PRKN: variants seen among roughly 807,000 people sequenced by gnomAD.
PRKN encodes the protein E3 ubiquitin-protein ligase parkin.
A neutral mutation model predicts 59.5 loss-of-function variants in PRKN; 56 were observed. The observed-to-expected ratio is 0.94, with a 90% confidence interval of 0.76 to 1.18. The LOEUF (loss-of-function observed/expected upper bound fraction) is 1.18. Among genes scored for constraint, PRKN ranks in the 50% most tolerant of loss-of-function variants. The pLI is 0.00. For synonymous variants in PRKN, 250 were observed against 222.1 expected, an observed-to-expected ratio of 1.13 and a Z score of -1.12; for missense variants, 657 against 596.4, an observed-to-expected ratio of 1.10 and a Z score of -1.06.
intron 2 of PRKN, among the ~76,000 whole-genome samples, chr6:162,410,138 T>G (rs1268992160): frequency 1.3e-5 from 2 of 152,188 alleles, no homozygotes; most frequent in African/African-American, 4.8e-5. Context: ...AATGCCTGGT[T>G]CCTGTGAATG....
chr6:162,568,405 C>A, intron 1 of PRKN: 1 of 540,980 alleles, frequency 1.8e-6, no homozygotes, highest in Non-Finnish European at 3.4e-6. Context: ...CCCAGAAGTC[C>A]TATAAGGTGT....
At chr6:161,895,880 G>A (rs1777608215) in intron 6 of PRKN, among the ~76,000 whole-genome samples, 1 of 152,188 alleles carries the variant, frequency 6.6e-6, no homozygotes, top group Non-Finnish European at 1.5e-5. Flanking sequence ...AGAATTCTTA[G>A]AGAAGCTGAG....
chr6:161,636,222 C>T (rs1447889952), intron 7 of PRKN, among the ~76,000 whole-genome samples: 1 of 152,236 alleles, frequency 6.6e-6, no homozygotes, highest in Non-Finnish European at 1.5e-5. Context: ...CTAGGGGAGC[C>T]GCATGTCCAC....
intron 1 of PRKN, among the ~76,000 whole-genome samples, chr6:162,686,559 C>T (rs999750444): frequency 6.6e-6 from 1 of 152,030 alleles, no homozygotes; most frequent in African/African-American, 2.4e-5. Flanking sequence ...TTCTTCCAGA[C>T]ATCAAAAAGG....
At chr6:161,966,628 A>G (rs994503843) in intron 6 of PRKN, among the ~76,000 whole-genome samples, 1 of 152,172 alleles carries the variant, frequency 6.6e-6, no homozygotes, top group Non-Finnish European at 1.5e-5. Context: ...CTTTTTGTTC[A>G]GCTTGTTATG....
chr6:162,123,074 A>G (rs979794282), intron 4 of PRKN, among the ~76,000 whole-genome samples: 1 of 152,112 alleles, frequency 6.6e-6, no homozygotes, highest in Non-Finnish European at 1.5e-5. Flanking sequence ...TGAAGTAACA[A>G]GAAAAAACGG....
chr6:161,819,000 A>G (rs1315679179), intron 6 of PRKN, among the ~76,000 whole-genome samples: 2 of 152,204 alleles, frequency 1.3e-5, no homozygotes, highest in African/African-American at 2.4e-5. Flanking sequence ...TGAGTGCATG[A>G]ATGTTTCAAT....
chr6:161,486,729 A>G lies in PRKN; in HGVS notation c.1083+62125T>C, dbSNP rs1402921433. On this transcript the variant is annotated intron_variant, in intron 9 of 11. Transcript: ENST00000366898. ...GAATCTGTTAATTGCCCTTTCATAA[A>G]TGCTGCTCATTATGATTAAGACTTT... 2.0e-5 allele frequency among the ~76,000 whole-genome samples: 3 copies of G among 152,220 alleles called. No individual in the cohort carries two copies. In the East Asian group the frequency reaches 5.8e-4, roughly 29 times the overall value.
intron 4 of PRKN, among the ~76,000 whole-genome samples, chr6:162,199,006 TA>T (rs1156406655): frequency 6.6e-6 from 1 of 152,124 alleles, no homozygotes; most frequent in Non-Finnish European, 1.5e-5. Context: ...TTCTTTTGAT[TA>T]AAAAGAAAAC....
chr6:162,158,415 CG>C (rs1411209866), intron 4 of PRKN, among the ~76,000 whole-genome samples: 15,617 of 138,872 alleles, frequency 0.11, 1,214 homozygotes, highest in East Asian at 0.39. Context: ...TGTTTGTTTG[CG>C]TTTTTTTTTT....
At chr6:161,654,349 G>A (rs1450671309) in intron 7 of PRKN, among the ~76,000 whole-genome samples, 1 of 152,070 alleles carries the variant, frequency 6.6e-6, no homozygotes, top group Non-Finnish European at 1.5e-5. Context: ...ATGTACCCCG[G>A]AAGCCCTTCA....
In PRKN at chr6:162,170,498, T is replaced by G. The variant is rs553730598; in HGVS notation, c.534+30633A>C. ...CAAAATACAGTAAAGGAAGGCAGAG[T>G]ATAACATTAACAATTTAGAAAAGAT... On this transcript the variant is annotated intron_variant, in intron 4 of 11. Transcript: ENST00000366898. 2.6e-5 allele frequency among the ~76,000 whole-genome samples: 4 copies of G among 152,112 alleles called. No homozygotes were observed. The South Asian group carries it at 8.3e-4, about 32-fold the overall frequency.
intron 7 of PRKN, among the ~76,000 whole-genome samples, chr6:161,727,369 C>A (rs764369439): frequency 1.3e-5 from 2 of 152,176 alleles, no homozygotes; most frequent in Non-Finnish European, 2.9e-5. Context: ...TTCCTCCTCT[C>A]CTGCAACTCA....
chr6:161,892,097 C>T (rs1287825321), intron 6 of PRKN, among the ~76,000 whole-genome samples: 2 of 152,170 alleles, frequency 1.3e-5, no homozygotes, highest in Non-Finnish European at 2.9e-5. Context: ...CCTCACTCTT[C>T]TTATAAATTC....
chr6:161,544,752 C>A lies in PRKN; in HGVS notation c.1083+4102G>T, dbSNP rs1328135619. Among the ~76,000 whole-genome samples the A allele has an allele frequency of 6.6e-6, 1 of 152,212 alleles. No homozygotes were observed. Among genetic ancestry groups the A allele is most frequent in the African/African-American group, 2.4e-5 (1 of 41,452 alleles). On this transcript the variant is annotated intron_variant, in intron 9 of 11. Coordinates refer to ENST00000366898, the MANE Select transcript of PRKN (RefSeq NM_004562.3). This position sits in a 1 kb window ranked among gnomAD's most constrained non-coding sequence, Gnocchi z 5.5. ...TTTCCTAGGTGGACTGACATCATCACTTAAATGGAAATCCCTGTCTTCATT... is the reference window on the plus strand; with the variant it reads ...TTTCCTAGGTGGACTGACATCATCAATTAAATGGAAATCCCTGTCTTCATT...
intron 9 of PRKN, among the ~76,000 whole-genome samples, chr6:161,469,604 T>G (rs1790676242): frequency 6.6e-6 from 1 of 151,248 alleles, no homozygotes; most frequent in Non-Finnish European, 1.5e-5. Flanking sequence ...AGAGAGAGAT[T>G]GAAACCTGAA....
chr6:161,363,684 C>T lies in PRKN; in HGVS notation c.1168-3479G>A, dbSNP rs966444590. Among the ~76,000 whole-genome samples the T allele has an allele frequency of 6.6e-6, 1 of 152,124 alleles. No homozygotes were observed. The highest frequency in any genetic ancestry group is 2.4e-5 in the African/African-American group (1 of 41,406). On this transcript the variant is annotated intron_variant, in intron 10 of 11. Transcript: ENST00000366898. The surrounding 1 kb of genome is among the most constrained non-coding windows in gnomAD (Gnocchi z 4.1). ...TATCTACAAAGAAGTTACAATTATT[C>T]CCCCCAGCTGATTTCTTAATGCATG...
intron 9 of PRKN, among the ~76,000 whole-genome samples, chr6:161,500,997 T>C (rs1411338906): frequency 2.0e-5 from 3 of 148,804 alleles, no homozygotes; most frequent in Non-Finnish European, 4.5e-5. Flanking sequence ...TGCCTCAGAC[T>C]CCCAAGTAGC....
rs1239085136 is a variant in PRKN, at chr6:161,526,055, T to A, written c.1083+22799A>T. Among the ~76,000 whole-genome samples the A allele has an allele frequency of 6.6e-6, 1 of 152,202 alleles. No individual in the cohort carries two copies. The highest frequency in any genetic ancestry group is 6.5e-5 in the Admixed American group (1 of 15,276). On this transcript the variant is annotated intron_variant, in intron 9 of 11. Transcript: ENST00000366898. The surrounding 1 kb of genome is among the most constrained non-coding windows in gnomAD (Gnocchi z 4.1). ...GTATTGTGTATCTTCTAAAGACCAC[T>A]GCTTGAATACAATTAAATGATCACT...
Sources: allele counts gnomAD v4.1 joint callset (sites outside exome capture counted in the v4.1 genomes callset), GRCh38; gene constraint gnomAD v4.1.1; non-coding constraint Gnocchi (gnomAD v3.1); transcripts MANE v1.5; gene names NCBI Gene and HGNC (gene_info 2026-07-23, HGNC 2026-07-21).